Variants in TBC1D12 observed in about 807,000 individuals in gnomAD.
TBC1D12 encodes TBC1 domain family, member 12.
TBC1D12 carries 56 observed loss-of-function variants against 86.7 expected under a neutral mutation model. That is an observed-to-expected ratio of 0.65 (90% CI 0.52 to 0.81). TBC1D12 has a LOEUF of 0.81. Among genes scored for constraint, TBC1D12 ranks in the 30% least tolerant of loss-of-function variants. TBC1D12 has a pLI of 0.00. For synonymous variants in TBC1D12, 421 were observed against 411.7 expected (o/e 1.02, Z -0.27); for missense variants, 1,023 against 1,038.8 (o/e 0.98, Z 0.21).
At chr10:94,525,007 T>C (rs1395164018) in intron 11 of TBC1D12, among the ~76,000 whole-genome samples, 1 of 151,998 alleles carries the variant, frequency 6.6e-6, no homozygotes, top group Non-Finnish European at 1.5e-5. Flanking sequence ...TACTGAAATT[T>C]TGATAGGCTT....
rs552521860 is a variant in TBC1D12 at position 94,406,517 on chromosome 10, A to G, written c.971+2933A>G. 3.9e-5 allele frequency among the ~76,000 whole-genome samples: 6 copies of G among 152,370 alleles called. No homozygotes were observed. In the South Asian group the frequency reaches 6.2e-4, roughly 16 times the overall value. Reference sequence around the variant, plus strand: ...AACTGTGACATTCATCTCTGAATCTATAATACCTAGCCACTGGTATGAAGA... The same window carrying G: ...AACTGTGACATTCATCTCTGAATCTGTAATACCTAGCCACTGGTATGAAGA... On this transcript the variant is annotated intron_variant, in intron 1 of 12. Coordinates refer to ENST00000225235, the MANE Select transcript of TBC1D12 (RefSeq NM_015188.2).
chr10:94,425,834 T>A (rs2055138271), intron 1 of TBC1D12, among the ~76,000 whole-genome samples: 1 of 152,184 alleles, frequency 6.6e-6, no homozygotes, highest in Non-Finnish European at 1.5e-5. Context: ...ATTTGGGTCA[T>A]TTTTTATTTC....
chr10:94,410,409 C>A (rs1482989825), intron 1 of TBC1D12, among the ~76,000 whole-genome samples: 1 of 151,514 alleles, frequency 6.6e-6, no homozygotes, highest in Non-Finnish European at 1.5e-5. Context: ...TGTTTTTTTT[C>A]TTTTCTTTTG....
At chr10:94,403,650 GGGAGTCGGAGCC>G in intron 1 of TBC1D12, 66 bp downstream of exon 1, 1 of 1,298,370 alleles carries the variant, frequency 7.7e-7, no homozygotes, top group East Asian at 3.3e-5. Flanking sequence ...GGGTCTTGGT[GGGAGTCGGAGCC>G]GGAGCCGGAG....
intron 3 of TBC1D12, among the ~76,000 whole-genome samples, chr10:94,486,020 A>G (rs2056155117): frequency 6.6e-6 from 1 of 151,492 alleles, no homozygotes; most frequent in South Asian, 2.1e-4. Flanking sequence ...GTCTGGCTAA[A>G]GGTTTCTCAA....
At chr10:94,462,842 G>GT (rs1305714421) in intron 2 of TBC1D12, among the ~76,000 whole-genome samples, 1 of 151,898 alleles carries the variant, frequency 6.6e-6, no homozygotes, top group Non-Finnish European at 1.5e-5. Context: ...ATTTTATTAT[G>GT]TTTTAAAAGA....
In TBC1D12 at chr10:94,535,963, T is replaced by G. The variant is rs1842533047; in HGVS notation, c.*2867T>G. The G allele has an allele frequency of 6.6e-6, 1 of 152,138 alleles. No individual in the cohort carries two copies. Among genetic ancestry groups the G allele is most frequent in the Non-Finnish European group, 1.5e-5 (1 of 68,004 alleles). The allele number at this position is 152,138 out of a possible 1,614,324, so 9.4% of individuals were successfully genotyped here. A position where few individuals can be genotyped will look rare whatever the true frequency, so the allele number is the denominator to read the frequency against. On this transcript the variant is annotated 3_prime_UTR_variant, in exon 13 of 13. Transcript: ENST00000225235. ...AAATGAGTCTTCATTACTTTGGGGATATCTGTTTTATTTAACTGCATCTCA... is the reference window on the plus strand; with the variant it reads ...AAATGAGTCTTCATTACTTTGGGGAGATCTGTTTTATTTAACTGCATCTCA...
intron 1 of TBC1D12, among the ~76,000 whole-genome samples, chr10:94,410,353 C>T (rs1225932693): frequency 6.6e-6 from 1 of 152,160 alleles, no homozygotes; most frequent in Non-Finnish European, 1.5e-5. Flanking sequence ...GAAAGTGTAT[C>T]TTAGTTCTAC....
At chr10:94,483,737 T>TG (rs1026708926) in intron 3 of TBC1D12, among the ~76,000 whole-genome samples, 1 of 152,118 alleles carries the variant, frequency 6.6e-6, no homozygotes, top group Non-Finnish European at 1.5e-5. Context: ...TTTTTGTTTT[T>TG]TTTTGTTTGT....
chr10:94,517,790 G>A (rs968693554), intron 9 of TBC1D12, among the ~76,000 whole-genome samples: 2 of 152,134 alleles, frequency 1.3e-5, no homozygotes, highest in African/African-American at 4.8e-5. Flanking sequence ...ACTCACGAAA[G>A]TTTTATCTGT....
intron 2 of TBC1D12, among the ~76,000 whole-genome samples, chr10:94,443,217 C>A (rs967669958): frequency 1.3e-5 from 2 of 152,206 alleles, no homozygotes; most frequent in African/African-American, 4.8e-5. Context: ...TCTTTCTAAG[C>A]AGCCCCTCCC....
chr10:94,403,225 G>C lies in TBC1D12; in HGVS notation c.612G>C (p.Leu204=), dbSNP rs1479623268. The change falls in exon 1 of 13, where the codon CTG becomes CTC. Residue 204 remains leucine, a synonymous_variant. Coordinates refer to ENST00000225235, the MANE Select transcript of TBC1D12 (RefSeq NM_015188.2). ...PLEDPLRSCC[L]VAADAQEPEG... is the part of the protein sequence containing the mutation. ...AGGACCCGCTGCGGAGCTGCTGCCT[G>C]GTGGCCGCGGACGCCCAGGAGCCCG... 1.3e-6 allele frequency: 2 copies of C among 1,507,310 alleles called. No individual in the cohort carries two copies. Among genetic ancestry groups the C allele is most frequent in the East Asian group, 2.8e-5 (1 of 35,166 alleles). The allele number at this position is 1,507,310 out of a possible 1,614,324, so 93.4% of individuals were successfully genotyped here. A position where few individuals can be genotyped will look rare whatever the true frequency, so the allele number is the denominator to read the frequency against.
At chr10:94,409,447 C>T (rs549110960) in intron 1 of TBC1D12, among the ~76,000 whole-genome samples, 7 of 148,928 alleles carry the variant, frequency 4.7e-5, no homozygotes, top group African/African-American at 1.7e-4. Context: ...GCACGGCTCA[C>T]TGCAGCCTCA....
intron 2 of TBC1D12, among the ~76,000 whole-genome samples, chr10:94,462,947 A>G (rs1233697894): frequency 1.3e-5 from 2 of 151,778 alleles, no homozygotes; most frequent in Non-Finnish European, 2.9e-5. Context: ...CTTGCTTTGG[A>G]TGTATTTTGC....
Position 94,402,668 on chromosome 10 carries a change from C to T in TBC1D12, c.55C>T (p.Pro19Ser). 3 of 1,609,690 alleles carry T rather than the reference C, an allele frequency of 1.9e-6. No individual in the cohort carries two copies. Among genetic ancestry groups the T allele is most frequent in the Non-Finnish European group, 2.5e-6 (3 of 1,178,760 alleles). ...ACSGRNPKLL[P>S]VPAPDPVGQD... ...CTCGGGAAGAAACCCCAAGTTGCTC[C>T]CGGTGCCTGCGCCGGACCCCGTGGG... Residue 19 changes from proline to serine, a missense_variant, in exon 1 of 13, where the codon CCG (proline) becomes TCG (serine). Transcript: ENST00000225235.
At chr10:94,467,917 T>A (rs1424324160) in intron 2 of TBC1D12, among the ~76,000 whole-genome samples, 6 of 152,228 alleles carry the variant, frequency 3.9e-5, no homozygotes, top group Non-Finnish European at 5.9e-5. Flanking sequence ...CTGAGCACCA[T>A]TAGTACAAAT....
At chr10:94,525,884 A>G (rs538119570) in intron 11 of TBC1D12, among the ~76,000 whole-genome samples, 3 of 152,296 alleles carry the variant, frequency 2.0e-5, no homozygotes, top group South Asian at 2.1e-4. Context: ...CATATAATGT[A>G]TAGTGATGAG....
At chr10:94,523,241 C>T (rs1189724286) in intron 11 of TBC1D12, among the ~76,000 whole-genome samples, 1 of 135,010 alleles carries the variant, frequency 7.4e-6, no homozygotes, top group Admixed American at 7.6e-5. Context: ...GGGTTGAAAT[C>T]AGAATCTCTC....
chr10:94,472,275 T>C (rs1010252687), intron 2 of TBC1D12, among the ~76,000 whole-genome samples: 1 of 152,182 alleles, frequency 6.6e-6, no homozygotes, highest in African/African-American at 2.4e-5. Context: ...ACATAGCTAC[T>C]TTACTGCCTG....
Sources: allele counts gnomAD v4.1 joint callset (sites outside exome capture counted in the v4.1 genomes callset), GRCh38; gene constraint gnomAD v4.1.1; transcripts MANE v1.5; gene names NCBI Gene and HGNC (gene_info 2026-07-23, HGNC 2026-07-21).